Variants in SLC24A3 observed in about 807,000 individuals in gnomAD.
The protein encoded by SLC24A3 is sodium/potassium/calcium exchanger 3.
In SLC24A3, 28 loss-of-function variants were observed where a neutral mutation model predicts 75.8. That is an observed-to-expected ratio of 0.37 (90% CI 0.27 to 0.51). The LOEUF (loss-of-function observed/expected upper bound fraction) is 0.51. Among genes scored for constraint, SLC24A3 ranks in the 20% least tolerant of loss-of-function variants. The pLI, the probability that SLC24A3 is intolerant of heterozygous loss-of-function variation, is 0.94. For synonymous variants in SLC24A3, 372 were observed against 334.1 expected, an observed-to-expected ratio of 1.11 and a Z score of -1.24; for missense variants, 663 against 847.8, an observed-to-expected ratio of 0.78 and a Z score of 2.71.
At chr20:19,576,695 G>A (rs544857694) in intron 3 of SLC24A3, among the ~76,000 whole-genome samples, 9 of 152,274 alleles carry the variant, frequency 5.9e-5, no homozygotes, top group East Asian at 5.8e-4. Flanking sequence ...CCCTCGAAGC[G>A]TGGATACAAC....
intron 2 of SLC24A3, among the ~76,000 whole-genome samples, chr20:19,379,028 AG>A (rs1213376409): frequency 3.3e-5 from 5 of 152,134 alleles, no homozygotes; most frequent in Non-Finnish European, 7.4e-5. Flanking sequence ...TAATGACTCC[AG>A]GTTACAGTGG....
At chr20:19,322,949 G>A (rs1984748131) in intron 2 of SLC24A3, among the ~76,000 whole-genome samples, 1 of 152,182 alleles carries the variant, frequency 6.6e-6, no homozygotes, top group Admixed American at 6.5e-5. Context: ...GCTCACGCCT[G>A]TAATTCCAGC....
In SLC24A3 at chr20:19,524,572, G is replaced by A. The variant is rs1006992024; in HGVS notation, c.348+9008G>A. ...TATGCACATTGCTTAGATACCAAAC[G>A]TTTACATGTGGAGATTAGATACATG... On this transcript the variant is annotated intron_variant, in intron 3 of 16. Coordinates refer to ENST00000328041, the MANE Select transcript of SLC24A3 (RefSeq NM_020689.4). 3.9e-5 allele frequency among the ~76,000 whole-genome samples: 6 copies of A among 152,244 alleles called. 1 individual carries two copies. The highest frequency in any genetic ancestry group is 4.1e-4 in the South Asian group (2 of 4,820).
Position 19,544,419 on chromosome 20 carries a change from A to T in SLC24A3, c.348+28855A>T, listed in dbSNP as rs147072770. 2.2e-3 allele frequency among the ~76,000 whole-genome samples: 328 copies of T among 152,314 alleles called. 2 individuals carry two copies. The highest frequency in any genetic ancestry group is 7.5e-3 in the African/African-American group (310 of 41,574). Reference sequence around the variant, plus strand: ...CCAGCTATCCAGATGTTACACAGCAAGAGAATCAACAGAGAGCTCGAAAGA... The same window carrying T: ...CCAGCTATCCAGATGTTACACAGCATGAGAATCAACAGAGAGCTCGAAAGA... On this transcript the variant is annotated intron_variant, in intron 3 of 16. Coordinates refer to ENST00000328041, the MANE Select transcript of SLC24A3 (RefSeq NM_020689.4).
chr20:19,215,048 G>A (rs1207414638), intron 1 of SLC24A3, among the ~76,000 whole-genome samples: 3 of 152,190 alleles, frequency 2.0e-5, no homozygotes, highest in African/African-American at 7.2e-5. Flanking sequence ...GTTAGGTATT[G>A]ATGATTTTGG....
chr20:19,398,961 A>G (rs1986503705), intron 2 of SLC24A3, among the ~76,000 whole-genome samples: 2 of 152,180 alleles, frequency 1.3e-5, no homozygotes, highest in Non-Finnish European at 2.9e-5. Flanking sequence ...TAACGTTTTT[A>G]GATATAAATT....
intron 3 of SLC24A3, among the ~76,000 whole-genome samples, chr20:19,557,935 AG>A (rs1436506127): frequency 1.3e-5 from 2 of 152,186 alleles, no homozygotes; most frequent in South Asian, 4.1e-4. Context: ...TTTTTAATGG[AG>A]TCATAACAGA....
At chr20:19,621,868 G>C (rs1600306803) in intron 6 of SLC24A3, among the ~76,000 whole-genome samples, 1 of 152,168 alleles carries the variant, frequency 6.6e-6, no homozygotes, top group African/African-American at 2.4e-5. Context: ...GTTTGTGAAA[G>C]ATCATTACTA....
At chr20:19,536,581 C>T (rs1250450956) in intron 3 of SLC24A3, among the ~76,000 whole-genome samples, 1 of 152,140 alleles carries the variant, frequency 6.6e-6, no homozygotes, top group Non-Finnish European at 1.5e-5. Flanking sequence ...AATCCTAAGC[C>T]AAAAGAACAA....
intron 3 of SLC24A3, among the ~76,000 whole-genome samples, chr20:19,543,835 G>T (rs955181016): frequency 2.6e-5 from 4 of 152,134 alleles, no homozygotes; most frequent in African/African-American, 9.7e-5. Context: ...GTCCTGCCTC[G>T]GGTACAATTT....
intron 2 of SLC24A3, among the ~76,000 whole-genome samples, chr20:19,420,541 T>G (rs2122435425): frequency 6.8e-6 from 1 of 147,830 alleles, no homozygotes; most frequent in South Asian, 2.2e-4. Flanking sequence ...TGAGATGATA[T>G]TCCATGCTCA....
chr20:19,380,240 C>T (rs895727657), intron 2 of SLC24A3, among the ~76,000 whole-genome samples: 8 of 152,104 alleles, frequency 5.3e-5, no homozygotes, highest in South Asian at 2.1e-4. Context: ...GTGAAGGTTG[C>T]GGGAAGGCCT....
intron 7 of SLC24A3, among the ~76,000 whole-genome samples, chr20:19,657,378 C>T (rs1231322307): frequency 6.6e-6 from 1 of 152,196 alleles, no homozygotes; most frequent in Non-Finnish European, 1.5e-5. Flanking sequence ...TTTTAACCAA[C>T]ATCTTCCCTC....
chr20:19,432,233 T>A (rs1433342248), intron 2 of SLC24A3, among the ~76,000 whole-genome samples: 1 of 149,470 alleles, frequency 6.7e-6, no homozygotes, highest in Non-Finnish European at 1.5e-5. Context: ...TTGGCTACTA[T>A]CATTTTTACA....
At chr20:19,469,966 T>A (rs944844904) in intron 2 of SLC24A3, among the ~76,000 whole-genome samples, 1 of 152,076 alleles carries the variant, frequency 6.6e-6, no homozygotes, top group Non-Finnish European at 1.5e-5. Context: ...CACATAGACC[T>A]CCTCCCTGCA....
intron 7 of SLC24A3, among the ~76,000 whole-genome samples, chr20:19,657,223 T>C (rs1407405253): frequency 2.6e-5 from 4 of 152,190 alleles, no homozygotes; most frequent in Admixed American, 1.3e-4. Context: ...TAAGAAGAAA[T>C]AGAAAAGATA....
chr20:19,499,745 C>T (rs1483790799), intron 2 of SLC24A3, among the ~76,000 whole-genome samples: 1 of 152,104 alleles, frequency 6.6e-6, no homozygotes, highest in East Asian at 1.9e-4. Context: ...TAGATACTTG[C>T]GTATGCATAT....
chr20:19,538,037 AT>A (rs201729717), intron 3 of SLC24A3, among the ~76,000 whole-genome samples: 6 of 151,980 alleles, frequency 3.9e-5, no homozygotes, highest in East Asian at 3.9e-4. Flanking sequence ...TAATAATAAA[AT>A]TTAAAAAAAA....
chr20:19,346,318 TATATATATATGGTGTATATATATATG>T (rs1985422674), intron 2 of SLC24A3, among the ~76,000 whole-genome samples: 1 of 98,010 alleles, frequency 1.0e-5, no homozygotes, highest in East Asian at 3.9e-4. Context: ...ATATATATGG[TATATATATATGGTGTATATATATATG>T]GTATATATAT....
Sources: gnomAD v4.1 joint callset for allele counts (sites outside exome capture counted in the v4.1 genomes callset) on GRCh38, gnomAD v4.1.1 for gene constraint, MANE v1.5 for transcripts, NCBI Gene and HGNC (gene_info 2026-07-23, HGNC 2026-07-21) for gene names.